The following SNX7 variants were observed in gnomAD, a reference collection of about 807,000 sequenced individuals.
SNX7 encodes the protein sorting nexin 7.
SNX7 carries 35 observed loss-of-function variants against 48.4 expected under a neutral mutation model. The ratio of observed to expected loss-of-function variants is 0.72; its 90% confidence interval spans 0.55 to 0.96. The LOEUF is 0.96. Ranked by LOEUF, SNX7 falls within the 40% of genes least tolerant of loss-of-function variation. The probability of loss-of-function intolerance (pLI) is 0.00; values close to 1 mark genes in which losing one functional copy is unlikely to be tolerated. For missense variants in SNX7, 553 were observed against 548.9 expected (o/e 1.01, Z -0.07); for synonymous variants, 190 against 190.2 (o/e 1.00, Z 0.01).
chr1:98,723,497 T>G (rs994767853), intron 7 of SNX7, among the ~76,000 whole-genome samples: 2 of 152,296 alleles, frequency 1.3e-5, no homozygotes, highest in Admixed American at 1.3e-4. Flanking sequence ...AGTAATTCAC[T>G]TTTGCATACC....
chr1:98,728,177 C>T (rs1653291727), intron 7 of SNX7, among the ~76,000 whole-genome samples: 1 of 152,146 alleles, frequency 6.6e-6, no homozygotes, highest in Middle Eastern at 3.2e-3. Context: ...ATCAGAATAA[C>T]AGTGGACCTC....
intron 7 of SNX7, among the ~76,000 whole-genome samples, chr1:98,737,202 G>A (rs114718846): frequency 6.6e-6 from 1 of 151,988 alleles, no homozygotes; most frequent in African/African-American, 2.4e-5. Context: ...TTTCCACTGA[G>A]AGTCCCATGG....
rs149856865 is a variant in SNX7, at chr1:98,716,353, G to A, written c.1125+14450G>A. 2.2e-4 allele frequency among the ~76,000 whole-genome samples: 33 copies of A among 152,138 alleles called. No individual in the cohort carries two copies. The East Asian group carries it at 4.8e-3, about 22-fold the overall frequency. On this transcript the variant is annotated intron_variant, in intron 7 of 8. Coordinates refer to ENST00000306121, the MANE Select transcript of SNX7 (RefSeq NM_015976.5). Reference sequence around the variant, plus strand: ...TTTGCAGGAACTACCTCCTCATCTCGCTGCTTTGACAATCTGTACTAGGCC... The same window carrying A: ...TTTGCAGGAACTACCTCCTCATCTCACTGCTTTGACAATCTGTACTAGGCC...
At chr1:98,691,511 C>A in intron 3 of SNX7, 24 bp from the exon 4 acceptor site, 2 of 1,547,468 alleles carry the variant, frequency 1.3e-6, no homozygotes, top group East Asian at 2.3e-5. Flanking sequence ...TACTTGAATA[C>A]CTTTTTAATT....
chr1:98,705,056 A>C (rs550887038), intron 7 of SNX7, among the ~76,000 whole-genome samples: 2 of 152,228 alleles, frequency 1.3e-5, no homozygotes, highest in South Asian at 4.1e-4. Flanking sequence ...ATGGCATTAC[A>C]GTTACTTTTT....
At chr1:98,704,245 T>C (rs1651905061) in intron 7 of SNX7, among the ~76,000 whole-genome samples, 1 of 152,206 alleles carries the variant, frequency 6.6e-6, no homozygotes, top group Non-Finnish European at 1.5e-5. Context: ...GCTGCTACAT[T>C]GTAAGACTGG....
chr1:98,680,997 C>G (rs1023344911), intron 1 of SNX7, among the ~76,000 whole-genome samples: 15 of 152,152 alleles, frequency 9.9e-5, no homozygotes, highest in African/African-American at 3.6e-4. Flanking sequence ...TGTGTTAGTC[C>G]ATTTTCATGC....
At chr1:98,680,773 C>T (rs1402897674) in intron 1 of SNX7, among the ~76,000 whole-genome samples, 1 of 152,168 alleles carries the variant, frequency 6.6e-6, no homozygotes, top group East Asian at 1.9e-4. Context: ...CATCTGTGAT[C>T]ACCTCAGCCT....
intron 7 of SNX7, among the ~76,000 whole-genome samples, chr1:98,710,405 G>A (rs1271526100): frequency 6.6e-6 from 1 of 152,056 alleles, no homozygotes; most frequent in African/African-American, 2.4e-5. Context: ...AATTTCTAAC[G>A]AAAGACTAAG....
chr1:98,729,188 A>G (rs923889929), intron 7 of SNX7, among the ~76,000 whole-genome samples: 1 of 152,076 alleles, frequency 6.6e-6, no homozygotes, highest in African/African-American at 2.4e-5. Flanking sequence ...CTTCTGATTG[A>G]CTCCTGGATA....
At chr1:98,736,603 A>G (rs998887261) in intron 7 of SNX7, among the ~76,000 whole-genome samples, 1 of 152,194 alleles carries the variant, frequency 6.6e-6, no homozygotes, top group Admixed American at 6.6e-5. Context: ...TACAAACTAA[A>G]CAAGAGAGTG....
chr1:98,743,560 C>G (rs1427676094), intron 8 of SNX7, among the ~76,000 whole-genome samples: 1 of 151,974 alleles, frequency 6.6e-6, no homozygotes, highest in Non-Finnish European at 1.5e-5. Flanking sequence ...ATGAACAGTA[C>G]TACTAATGTT....
chr1:98,722,371 C>G (rs1311851216), intron 7 of SNX7, among the ~76,000 whole-genome samples: 1 of 152,110 alleles, frequency 6.6e-6, no homozygotes, highest in Non-Finnish European at 1.5e-5. Context: ...ACACATCTCA[C>G]CTCTCTCACG....
intron 8 of SNX7, among the ~76,000 whole-genome samples, chr1:98,748,610 C>T (rs958293266): frequency 1.4e-5 from 2 of 147,164 alleles, no homozygotes; most frequent in African/African-American, 5.0e-5. Context: ...ATAATAGTTT[C>T]TGTATAGAAA....
chr1:98,720,172 C>T (rs1652790830), intron 7 of SNX7, among the ~76,000 whole-genome samples: 1 of 151,800 alleles, frequency 6.6e-6, no homozygotes, highest in Admixed American at 6.6e-5. Flanking sequence ...TGTCTACCCC[C>T]ACTCTTTGTT....
intron 8 of SNX7, among the ~76,000 whole-genome samples, chr1:98,740,962 A>C (rs1654040850): frequency 6.6e-6 from 1 of 152,156 alleles, no homozygotes; most frequent in Admixed American, 6.6e-5. Flanking sequence ...TTGGCACATC[A>C]GTCCAGTAAA....
At chr1:98,676,423 T>G (rs1441708521) in intron 1 of SNX7, among the ~76,000 whole-genome samples, 3 of 152,216 alleles carry the variant, frequency 2.0e-5, no homozygotes, top group African/African-American at 7.2e-5. Context: ...CTACTCCTTG[T>G]GTAATGCTTA....
At chr1:98,751,102 G>A (rs1345212125) in intron 8 of SNX7, among the ~76,000 whole-genome samples, 4 of 152,044 alleles carry the variant, frequency 2.6e-5, no homozygotes, top group Non-Finnish European at 4.4e-5. Flanking sequence ...TCACACTGTA[G>A]GACAGAACAT....
chr1:98,680,221 A>T (rs192157272), intron 1 of SNX7, among the ~76,000 whole-genome samples: 2 of 152,232 alleles, frequency 1.3e-5, no homozygotes, highest in East Asian at 3.9e-4. Flanking sequence ...CCTGAGCTCT[A>T]TGTTGGCCCC....
Sources: gnomAD v4.1 joint callset for allele counts (sites outside exome capture counted in the v4.1 genomes callset) on GRCh38, gnomAD v4.1.1 for gene constraint, MANE v1.5 for transcripts, NCBI Gene and HGNC (gene_info 2026-07-23, HGNC 2026-07-21) for gene names.